The following ABCB5 variants were observed in gnomAD, a reference collection of about 807,000 sequenced individuals.
The protein encoded by ABCB5 is ATP binding cassette subfamily B member 5.
ABCB5 carries 155 observed loss-of-function variants against 144.2 expected under a neutral mutation model. That is an observed-to-expected ratio of 1.08 (90% CI 0.94 to 1.23). The LOEUF is 1.23. Among genes scored for constraint, ABCB5 ranks in the 50% most tolerant of loss-of-function variants. The pLI, the probability that ABCB5 is intolerant of heterozygous loss-of-function variation, is 0.00. For synonymous variants in ABCB5, 610 were observed against 528.6 expected, an observed-to-expected ratio of 1.15 and a Z score of -2.11; for missense variants, 1,830 against 1,520.8, an observed-to-expected ratio of 1.20 and a Z score of -3.38.
At chr7:20,747,976 C>T (rs1782782442) in intron 26 of ABCB5, among the ~76,000 whole-genome samples, 1 of 152,184 alleles carries the variant, frequency 6.6e-6, no homozygotes, top group African/African-American at 2.4e-5. Flanking sequence ...TTCCCCAGCC[C>T]TTCTGGGAAC....
intron 20 of ABCB5, among the ~76,000 whole-genome samples, chr7:20,715,010 A>G (rs1050496484): frequency 6.6e-6 from 1 of 152,118 alleles, no homozygotes; most frequent in African/African-American, 2.4e-5. Flanking sequence ...AATGCTCAGC[A>G]TGCTTTTTGT....
chr7:20,651,549 G>T lies in ABCB5; in HGVS notation c.1462G>T (p.Asp488Tyr), dbSNP rs1307457124. ...ISNNIKYGRD[D>Y]VTDEEMERAA... Reference sequence around the variant, plus strand: ...TAACAATATCAAGTATGGACGAGATGATGTGACTGATGAAGAGATGGAGAG... The same window carrying T: ...TAACAATATCAAGTATGGACGAGATTATGTGACTGATGAAGAGATGGAGAG... The change falls in exon 13 of 28, where the codon GAT (aspartate) becomes TAT (tyrosine). Residue 488 changes from aspartate to tyrosine, a missense_variant. Asp to Tyr is a radical substitution (Grantham distance 160). Coordinates refer to ENST00000404938, the MANE Select transcript of ABCB5 (RefSeq NM_001163941.2). 1 of 1,614,102 alleles carries T rather than the reference G, an allele frequency of 6.2e-7. No individual in the cohort carries two copies. The highest frequency in any genetic ancestry group is 1.1e-5 in the South Asian group (1 of 91,082).
At chr7:20,664,308 C>T (rs753791524) in intron 14 of ABCB5, among the ~76,000 whole-genome samples, 1 of 152,160 alleles carries the variant, frequency 6.6e-6, no homozygotes, top group Non-Finnish European at 1.5e-5. Flanking sequence ...CAAATCGAAG[C>T]TCTCATGTGG....
At position 20,723,060 on chromosome 7, in the gene ABCB5, C is replaced by A; in HGVS notation, c.2466C>A (p.Asn822Lys). The change falls in exon 21 of 28, where the codon AAC (asparagine) becomes AAA (lysine). Residue 822 changes from asparagine (N) to lysine (K), a missense_variant. Coordinates refer to ENST00000404938, the MANE Select transcript of ABCB5 (RefSeq NM_001163941.2). ...RIGVLTQNAT[N>K]MGLSVIISFI... ...GCGTCTTAACACAAAATGCAACTAA[C>A]ATGGGACTTTCAGTTATCATTTCCT... 1.2e-6 allele frequency: 2 copies of A among 1,614,118 alleles called. No individual in the cohort carries two copies. Among genetic ancestry groups the A allele is most frequent in the Non-Finnish European group, 1.7e-6 (2 of 1,180,024 alleles).
intron 1 of ABCB5, among the ~76,000 whole-genome samples, chr7:20,622,248 A>C (rs116135284): frequency 6.6e-6 from 1 of 152,120 alleles, no homozygotes; most frequent in African/African-American, 2.4e-5. Flanking sequence ...TAAAATGCAA[A>C]TGTTTGAGAT....
Position 20,681,982 on chromosome 7 carries a change from G to A in ABCB5, c.1869+316G>A, listed in dbSNP as rs952351067. Among the ~76,000 whole-genome samples the A allele has an allele frequency of 5.9e-5, 9 of 152,180 alleles. No homozygotes were observed. The South Asian group carries it at 8.3e-4, about 14-fold the overall frequency. On this transcript the variant is annotated intron_variant, in intron 15 of 27. Coordinates refer to ENST00000404938, the MANE Select transcript of ABCB5 (RefSeq NM_001163941.2). ...AGCAATTTGGGAGGTCGAGGCGGGC[G>A]GATCATGAGGTCAGGAGATCGAGAC...
At position 20,643,328 on chromosome 7, in the gene ABCB5, C is replaced by T; in HGVS notation, c.459C>T (p.Gly153=). 1 of 1,613,966 alleles carries T rather than the reference C, an allele frequency of 6.2e-7. No individual in the cohort carries two copies. Among genetic ancestry groups the T allele is most frequent in the Non-Finnish European group, 8.5e-7 (1 of 1,179,888 alleles). Residue 153 remains glycine, a synonymous_variant, in exon 6 of 28, where the codon GGC becomes GGT. Coordinates refer to ENST00000404938, the MANE Select transcript of ABCB5 (RefSeq NM_001163941.2). The part of the protein sequence containing the change: ...FFHSVLAQDI[G]WFDSCDIGEL... ...ATTCAGTTTTGGCACAGGACATCGGCTGGTTTGATAGCTGTGACATCGGTG... is the reference window on the plus strand; with the variant it reads ...ATTCAGTTTTGGCACAGGACATCGGTTGGTTTGATAGCTGTGACATCGGTG...
intron 3 of ABCB5, 95 bp from the exon 4 acceptor site, chr7:20,628,593 G>C (rs139874887): frequency 1.6e-6 from 2 of 1,283,242 alleles, no homozygotes; most frequent in Non-Finnish European, 2.1e-6. Flanking sequence ...TGTTTACTAG[G>C]TGGCAAAGGC....
At chr7:20,670,759 A>G (rs1030295954) in intron 14 of ABCB5, among the ~76,000 whole-genome samples, 1 of 152,168 alleles carries the variant, frequency 6.6e-6, no homozygotes, top group Non-Finnish European at 1.5e-5. Context: ...AAAATACAAA[A>G]TTAGGCAGGC....
chr7:20,634,415 G>A (rs1002322136), intron 5 of ABCB5, among the ~76,000 whole-genome samples: 7 of 152,012 alleles, frequency 4.6e-5, no homozygotes, highest in African/African-American at 1.7e-4. Flanking sequence ...TACATACTCA[G>A]TATTAACACT....
chr7:20,742,982 A>G lies in ABCB5; in HGVS notation c.3130A>G (p.Lys1044Glu). 6.2e-7 allele frequency: 1 copy of G among 1,614,116 alleles called. No homozygotes were observed. Among genetic ancestry groups the G allele is most frequent in the Non-Finnish European group, 8.5e-7 (1 of 1,179,976 alleles). The change falls in exon 25 of 28, where the codon AAG (lysine) becomes GAG (glutamate). Residue 1044 changes from lysine to glutamate, a missense_variant. Transcript: ENST00000404938. ...RGLSLSIERG[K>E]TVAFVGSSGC... ...CTTATCCCTCAGTATTGAGCGAGGA[A>G]AGACAGTAGCATTTGTGGGGAGCAG...
At chr7:20,666,773 C>G (rs543380534) in intron 14 of ABCB5, 1 of 1,597,060 alleles carries the variant, frequency 6.3e-7, no homozygotes, top group African/African-American at 1.3e-5. Flanking sequence ...AATAATACAA[C>G]AAAGACGTAT....
chr7:20,658,296 A>G (rs1204018671), intron 13 of ABCB5, among the ~76,000 whole-genome samples: 2 of 150,042 alleles, frequency 1.3e-5, no homozygotes, highest in Admixed American at 6.6e-5. Flanking sequence ...GTCCTAGCCA[A>G]ATTTTTCTTA....
intron 13 of ABCB5, 172 bp downstream of exon 13, chr7:20,651,795 C>T: frequency 1.6e-6 from 1 of 619,434 alleles, no homozygotes; most frequent in Non-Finnish European, 2.8e-6. Context: ...TGAATGAGGT[C>T]CAACACAAAT....
chr7:20,668,565 G>C, intron 14 of ABCB5, among the ~76,000 whole-genome samples: 1 of 151,402 alleles, frequency 6.6e-6, no homozygotes, highest in Middle Eastern at 3.4e-3. Context: ...TCTCCGCCCG[G>C]CAGCCACCCC....
intron 16 of ABCB5, among the ~76,000 whole-genome samples, chr7:20,689,097 C>T (rs967653948): frequency 1.3e-5 from 2 of 151,656 alleles, no homozygotes; most frequent in Admixed American, 6.6e-5. Flanking sequence ...GCACATGTAC[C>T]CTAGAACTTA....
chr7:20,640,152 C>T (rs1348505030), intron 5 of ABCB5, among the ~76,000 whole-genome samples: 1 of 151,962 alleles, frequency 6.6e-6, no homozygotes, highest in African/African-American at 2.4e-5. Context: ...TGTAGTGTTC[C>T]ATCCTATCCT....
At chr7:20,723,618 G>A (rs774386609) in intron 21 of ABCB5, among the ~76,000 whole-genome samples, 14 of 152,134 alleles carry the variant, frequency 9.2e-5, no homozygotes, top group Admixed American at 2.6e-4. Context: ...GTTATTATAC[G>A]CAAAACACTT....
At chr7:20,658,412 T>C (rs1272067688) in intron 13 of ABCB5, 94 bp from the exon 14 acceptor site, 2 of 1,236,846 alleles carry the variant, frequency 1.6e-6, no homozygotes, top group African/African-American at 3.0e-5. Flanking sequence ...CTGATTAAGC[T>C]GATATTAAAA....
Sources: allele counts gnomAD v4.1 joint callset (sites outside exome capture counted in the v4.1 genomes callset), GRCh38; gene constraint gnomAD v4.1.1; transcripts MANE v1.5; gene names NCBI Gene and HGNC (gene_info 2026-07-23, HGNC 2026-07-21).